Variants in DAG1 observed in about 807,000 individuals in gnomAD.
The protein encoded by DAG1 is dystroglycan 1.
Under a neutral mutation model 46.1 loss-of-function variants are expected in DAG1, and 8 were observed. The observed-to-expected ratio is 0.17, with a 90% CI of 0.10 to 0.31. The LOEUF (loss-of-function observed/expected upper bound fraction) is 0.31. Ranked by LOEUF, DAG1 falls within the 10% of genes least tolerant of loss-of-function variation. The pLI, the probability that DAG1 is intolerant of heterozygous loss-of-function variation, is 1.00. For synonymous variants in DAG1, 495 were observed against 481.8 expected, an observed-to-expected ratio of 1.03 and a Z score of -0.36; for missense variants, 1,003 against 1,189.9, an observed-to-expected ratio of 0.84 and a Z score of 2.31.
At chr3:49,529,186 AT>A in intron 2 of DAG1, among the ~76,000 whole-genome samples, 1 of 151,836 alleles carries the variant, frequency 6.6e-6, no homozygotes, top group South Asian at 2.1e-4. Flanking sequence ...CAGTAATCTC[AT>A]GGTTAAAAAA....
At chr3:49,525,068 G>T (rs2051130592) in intron 2 of DAG1, among the ~76,000 whole-genome samples, 2 of 152,102 alleles carry the variant, frequency 1.3e-5, no homozygotes, top group South Asian at 4.1e-4. Context: ...TGCTGCTTGG[G>T]CCTGATGTCA....
At chr3:49,488,220 C>T (rs1336450406) in intron 1 of DAG1, among the ~76,000 whole-genome samples, 1 of 152,146 alleles carries the variant, frequency 6.6e-6, no homozygotes, top group East Asian at 1.9e-4. Context: ...ACTGCTGTCT[C>T]ATGTTGTTTC....
At chr3:49,486,349 G>T (rs938735905) in intron 1 of DAG1, among the ~76,000 whole-genome samples, 4 of 151,866 alleles carry the variant, frequency 2.6e-5, no homozygotes, top group Non-Finnish European at 4.4e-5. Context: ...CTCCCTGGTA[G>T]CTGGGACTAT....
chr3:49,530,203 C>T (rs898565738), intron 2 of DAG1, among the ~76,000 whole-genome samples: 3 of 152,196 alleles, frequency 2.0e-5, no homozygotes, highest in Non-Finnish European at 4.4e-5. Context: ...CTCTTTGCTA[C>T]ACAAATGTGC....
In DAG1 at chr3:49,520,311, C is replaced by T. The variant is rs141138168; in HGVS notation, c.285+9492C>T. 2.0e-3 allele frequency among the ~76,000 whole-genome samples: 311 copies of T among 152,358 alleles called. 2 individuals carry two copies. The highest frequency in any genetic ancestry group is 0.01 in the Middle Eastern group (3 of 294). On this transcript the variant is annotated intron_variant, in intron 2 of 2. Transcript: ENST00000308775. ...CAGGATAACCCTGAGTGTGAGTCAG[C>T]ACCAAGGCTGATACTCCATCAGAGG... is the stretch of plus-strand genomic sequence containing the variant.
chr3:49,516,384 A>C (rs1312121376), intron 2 of DAG1, among the ~76,000 whole-genome samples: 8 of 152,240 alleles, frequency 5.3e-5, no homozygotes, highest in Non-Finnish European at 5.9e-5. Flanking sequence ...GTGCTGGGGC[A>C]GCAAGAGACT....
upstream of DAG1, chr3:49,470,000 T>A (rs1418640284): frequency 2.0e-5 from 3 of 151,878 alleles, no homozygotes; most frequent in Non-Finnish European, 4.4e-5. Flanking sequence ...CGGACTTCCC[T>A]GGCCGTGGGG....
chr3:49,473,178 G>T (rs1181914654), intron 1 of DAG1, among the ~76,000 whole-genome samples: 3 of 151,992 alleles, frequency 2.0e-5, no homozygotes, highest in Admixed American at 6.6e-5. Flanking sequence ...CACTTTGGGA[G>T]GCTGAGGCGG....
chr3:49,502,690 G>C (rs891147221), intron 1 of DAG1, among the ~76,000 whole-genome samples: 2 of 145,058 alleles, frequency 1.4e-5, no homozygotes, highest in African/African-American at 5.1e-5. Flanking sequence ...CTAGGCTGGA[G>C]TGCAGTGGTG....
chr3:49,490,198 A>G (rs1237291362), intron 1 of DAG1, among the ~76,000 whole-genome samples: 1 of 151,988 alleles, frequency 6.6e-6, no homozygotes, highest in African/African-American at 2.4e-5. Flanking sequence ...CTAAAAATAG[A>G]AAAAATTACT....
intron 1 of DAG1, among the ~76,000 whole-genome samples, chr3:49,496,766 A>G (rs1180342979): frequency 6.6e-6 from 1 of 151,608 alleles, no homozygotes; most frequent in Non-Finnish European, 1.5e-5. Context: ...AGCTGGGACT[A>G]CAGGCATGCA....
chr3:49,480,202 T>G (rs2049834149), intron 1 of DAG1, among the ~76,000 whole-genome samples: 1 of 150,718 alleles, frequency 6.6e-6, no homozygotes, highest in Non-Finnish European at 1.5e-5. Flanking sequence ...TCCACCTGCC[T>G]TGGCCCCCCA....
chr3:49,474,714 C>G (rs1429018052), intron 1 of DAG1, among the ~76,000 whole-genome samples: 1 of 152,176 alleles, frequency 6.6e-6, no homozygotes, highest in Admixed American at 6.6e-5. Flanking sequence ...AACTTTTGAG[C>G]TCAAGCAATC....
At chr3:49,509,555 A>AT (rs1196979149) in intron 1 of DAG1, among the ~76,000 whole-genome samples, 4 of 152,206 alleles carry the variant, frequency 2.6e-5, no homozygotes, top group South Asian at 4.1e-4. Context: ...CACATTCTAG[A>AT]TTTGTGTGAT....
At chr3:49,524,374 C>T (rs2051114028) in intron 2 of DAG1, among the ~76,000 whole-genome samples, 3 of 152,176 alleles carry the variant, frequency 2.0e-5, no homozygotes, top group Non-Finnish European at 4.4e-5. Flanking sequence ...TCCTGTAGCC[C>T]TTCTATTAAA....
chr3:49,491,821 A>G (rs1397148784), intron 1 of DAG1, among the ~76,000 whole-genome samples: 6 of 151,420 alleles, frequency 4.0e-5, no homozygotes, highest in Admixed American at 3.9e-4. Flanking sequence ...GTTTCGCCAC[A>G]TTGGCCAGTC....
At chr3:49,494,835 A>G (rs1042544120) in intron 1 of DAG1, among the ~76,000 whole-genome samples, 1 of 151,918 alleles carries the variant, frequency 6.6e-6, no homozygotes, top group Non-Finnish European at 1.5e-5. Flanking sequence ...GGGTTTCACC[A>G]TGTTAGCCAG....
chr3:49,491,907 C>T lies in DAG1; in HGVS notation c.-116-18512C>T, dbSNP rs993078497. Among the ~76,000 whole-genome samples, 5 of 151,972 alleles carry T rather than the reference C, an allele frequency of 3.3e-5. No individual in the cohort carries two copies. The East Asian group carries it at 9.7e-4, about 29-fold the overall frequency. ...GTACTGGGATTACAGGCGTGAGCTG[C>T]CTCGCCTGGCCCCAAGTCTATTCTT... On this transcript the variant is annotated intron_variant, in intron 1 of 2. Transcript: ENST00000308775.
intron 1 of DAG1, among the ~76,000 whole-genome samples, chr3:49,504,686 A>G (rs2050550974): frequency 7.6e-6 from 1 of 131,542 alleles, no homozygotes; most frequent in Admixed American, 8.8e-5. Context: ...TCCTGGGTTC[A>G]TGCCATTCTC....
Sources: allele counts gnomAD v4.1 joint callset (sites outside exome capture counted in the v4.1 genomes callset), GRCh38; gene constraint gnomAD v4.1.1; transcripts MANE v1.5; gene names NCBI Gene and HGNC (gene_info 2026-07-23, HGNC 2026-07-21).